Variants in PDE1C observed in about 807,000 individuals in gnomAD.
PDE1C encodes the protein phosphodiesterase 1C.
In PDE1C, 62 loss-of-function variants were observed where a neutral mutation model predicts 93.1. The ratio of observed to expected loss-of-function variants is 0.67; its 90% CI spans 0.54 to 0.82. PDE1C has a LOEUF of 0.82. Ranked by LOEUF, PDE1C falls within the 40% of genes least tolerant of loss-of-function variation. The probability of loss-of-function intolerance (pLI) is 0.00; values close to 1 mark genes in which losing one functional copy is unlikely to be tolerated. For synonymous variants in PDE1C, 325 were observed against 310.1 expected, an observed-to-expected ratio of 1.05 and a Z score of -0.50; for missense variants, 742 against 884.6, an observed-to-expected ratio of 0.84 and a Z score of 2.04.
intron 5 of PDE1C, among the ~76,000 whole-genome samples, chr7:31,877,362 T>C (rs1796721255): frequency 6.6e-6 from 1 of 152,150 alleles, no homozygotes; most frequent in Non-Finnish European, 1.5e-5. Context: ...AACTCAAGCA[T>C]TTGTATGACT....
intron 2 of PDE1C, among the ~76,000 whole-genome samples, chr7:31,919,001 A>C (rs915186816): frequency 6.6e-6 from 1 of 152,168 alleles, no homozygotes; most frequent in Non-Finnish European, 1.5e-5. Context: ...GTTACGTGCA[A>C]ATAATAATAA....
At chr7:31,699,866 G>A in the PDE1C span, among the ~76,000 whole-genome samples, 1 of 151,218 alleles carries the variant, frequency 6.6e-6, no homozygotes, top group Non-Finnish European at 1.5e-5. Flanking sequence ...AATTGTTTTG[G>A]GGTGCCACAG....
chr7:31,896,953 G>C (rs1449023493), intron 2 of PDE1C, among the ~76,000 whole-genome samples: 1 of 152,226 alleles, frequency 6.6e-6, no homozygotes, highest in South Asian at 2.1e-4. Context: ...TGCATTGCTG[G>C]AGAGAAGATT....
chr7:32,019,117 T>G (rs1584475626), intron 2 of PDE1C, among the ~76,000 whole-genome samples: 1 of 132,928 alleles, frequency 7.5e-6, no homozygotes, highest in Non-Finnish European at 1.6e-5. Context: ...TATCCTTGAG[T>G]AGAGGGGCAC....
the PDE1C span, among the ~76,000 whole-genome samples, chr7:31,710,533 C>T: frequency 6.6e-6 from 1 of 152,122 alleles, no homozygotes; most frequent in African/African-American, 2.4e-5. Context: ...GTGAATTTTC[C>T]CTGTGCTGTC....
At chr7:31,863,495 C>G (rs1490962583) in intron 7 of PDE1C, among the ~76,000 whole-genome samples, 2 of 152,136 alleles carry the variant, frequency 1.3e-5, no homozygotes, top group Non-Finnish European at 2.9e-5. Context: ...TTCACGGAAC[C>G]ATCATTCAAT....
At chr7:32,225,627 G>A (rs183120556) in intron 1 of PDE1C, among the ~76,000 whole-genome samples, 3 of 152,296 alleles carry the variant, frequency 2.0e-5, no homozygotes, top group African/African-American at 7.2e-5. Flanking sequence ...GCCCTTGAGT[G>A]TCCAAGGGGA....
intron 1 of PDE1C, among the ~76,000 whole-genome samples, chr7:32,424,616 G>A (rs1785493682): frequency 6.6e-6 from 1 of 152,140 alleles, no homozygotes; most frequent in Non-Finnish European, 1.5e-5. Flanking sequence ...GCCCAGGCCT[G>A]ACAACATGGT....
intron 1 of PDE1C, among the ~76,000 whole-genome samples, chr7:32,296,757 C>G (rs1394957454): frequency 6.6e-6 from 1 of 152,198 alleles, no homozygotes; most frequent in Admixed American, 6.5e-5. Context: ...TTACCAGAGT[C>G]AAGAAAACCA....
intron 1 of PDE1C, among the ~76,000 whole-genome samples, chr7:32,354,097 T>C (rs1377723421): frequency 6.6e-6 from 1 of 152,188 alleles, no homozygotes; most frequent in Non-Finnish European, 1.5e-5. Context: ...AAAGCGTGAT[T>C]CTATGATTCT....
the PDE1C span, among the ~76,000 whole-genome samples, chr7:31,679,312 T>C: frequency 3.3e-5 from 5 of 152,336 alleles, no homozygotes; most frequent in Admixed American, 2.6e-4. Flanking sequence ...TTTATGAGTA[T>C]AGTAATATGA....
At chr7:32,103,451 G>A (rs1170978399) in intron 3 of PDE1C, among the ~76,000 whole-genome samples, 2 of 152,102 alleles carry the variant, frequency 1.3e-5, no homozygotes, top group African/African-American at 4.8e-5. Flanking sequence ...CCAGACGGAT[G>A]CCTCTCCCAC....
chr7:32,166,450 T>TG (rs2128801932), intron 3 of PDE1C, among the ~76,000 whole-genome samples: 1 of 152,250 alleles, frequency 6.6e-6, no homozygotes, highest in East Asian at 1.9e-4. Context: ...CCTCAAGCCC[T>TG]GGAAGCATGC....
chr7:32,305,397 C>T (rs918551598), intron 1 of PDE1C, among the ~76,000 whole-genome samples: 2 of 152,216 alleles, frequency 1.3e-5, no homozygotes, highest in Admixed American at 1.3e-4. Context: ...TCATTCCATT[C>T]CCTCTTTCCT....
intron 5 of PDE1C, among the ~76,000 whole-genome samples, chr7:31,874,253 A>G (rs1028567418): frequency 1.3e-5 from 2 of 152,226 alleles, no homozygotes; most frequent in African/African-American, 4.8e-5. Flanking sequence ...AATATATGTA[A>G]ATACAGTCTG....
At chr7:31,643,347 A>G in the PDE1C span, 1 of 1,613,962 alleles carries the variant, frequency 6.2e-7, no homozygotes, top group Non-Finnish European at 8.5e-7. Context: ...TTGCTCAAAC[A>G]TCTGAAAAGC....
At chr7:32,390,641 G>A (rs765750729) in intron 1 of PDE1C, among the ~76,000 whole-genome samples, 2 of 151,698 alleles carry the variant, frequency 1.3e-5, no homozygotes, top group African/African-American at 2.4e-5. Flanking sequence ...GAGCCCAGGA[G>A]TTTCAGACCA....
At chr7:32,033,103 A>G (rs1790553614) in intron 2 of PDE1C, among the ~76,000 whole-genome samples, 1 of 152,108 alleles carries the variant, frequency 6.6e-6, no homozygotes, top group Non-Finnish European at 1.5e-5. Flanking sequence ...GGAGGGCTGA[A>G]TCCCCAGGCA....
chr7:31,961,788 A>T (rs572095119), intron 2 of PDE1C, among the ~76,000 whole-genome samples: 1 of 152,326 alleles, frequency 6.6e-6, no homozygotes, highest in East Asian at 1.9e-4. Context: ...ATATCATTTC[A>T]CCCAAACTAA....
Sources: gnomAD v4.1 joint callset for allele counts (sites outside exome capture counted in the v4.1 genomes callset) on GRCh38, gnomAD v4.1.1 for gene constraint, MANE v1.5 for transcripts, NCBI Gene and HGNC (gene_info 2026-07-23, HGNC 2026-07-21) for gene names.